Variants in FAN1 observed in about 807,000 individuals in gnomAD.
FAN1 encodes the protein FANCD2 and FANCI associated nuclease 1, also known as fanconi-associated nuclease 1.
Under a neutral mutation model 104.9 loss-of-function variants are expected in FAN1, and 91 were observed. That is an observed-to-expected ratio of 0.87 (90% CI 0.73 to 1.03). The LOEUF (loss-of-function observed/expected upper bound fraction) is 1.03, where lower values mean the gene tolerates loss of function less well. Among genes scored for constraint, FAN1 ranks in the 50% least tolerant of loss-of-function variants. FAN1 has a pLI of 0.00. For missense variants in FAN1, 1,263 were observed against 1,239.9 expected (o/e 1.02, Z -0.28); for synonymous variants, 478 against 457.6 (o/e 1.04, Z -0.57).
In FAN1 at chr15:30,918,223, G is replaced by A; in HGVS notation, c.1871G>A (p.Trp624Ter). 6.2e-7 allele frequency: 1 copy of A among 1,614,038 alleles called. No homozygotes were observed. ...TCTTCCGCAATGGCCAATGGGAACT[G>A]GGAAGAAGCTAAGGAGCTCGCTCAG... ...DISSAMANGN[W>*]EEAKELAQCA... Residue 624 changes from tryptophan to a stop codon, truncating the protein, a stop_gained, in exon 6 of 15, where the codon TGG (tryptophan) becomes TAG (stop). Transcript: ENST00000362065. LOFTEE classifies it high-confidence loss of function.
Position 30,942,938 on chromosome 15 carries a change from G to A in FAN1, c.*1376G>A, listed in dbSNP as rs771024863. The A allele has an allele frequency of 6.4e-7, 1 of 1,566,982 alleles. No homozygotes were observed. Among genetic ancestry groups the A allele is most frequent in the Admixed American group, 1.9e-5 (1 of 53,168 alleles). On this transcript the variant is annotated 3_prime_UTR_variant, in exon 15 of 15. Transcript: ENST00000362065. ...CGGAGCCATTCTGTATACAAGGTGT[G>A]CTCTTTCCAATGTAGAAGGGGTTAT...
At chr15:30,928,345 C>G in intron 10 of FAN1, 1 of 1,301,354 alleles carries the variant, frequency 7.7e-7, no homozygotes, top group Non-Finnish European at 9.7e-7. Flanking sequence ...AAGATTTTTG[C>G]CCTTAAGGCT....
chr15:30,916,128 T>TA (rs2062193802), intron 5 of FAN1, among the ~76,000 whole-genome samples: 2 of 152,232 alleles, frequency 1.3e-5, no homozygotes, highest in Non-Finnish European at 2.9e-5. Flanking sequence ...AAATCTCTAA[T>TA]AAGACTGTTT....
rs1415165071 is a variant in FAN1, at chr15:30,941,320, T to C, written c.*4-246T>C. The stretch of plus-strand genomic sequence containing the variant: ...TCTTAAAATAAGTGTGAAAGAAGCA[T>C]GATTCAACATGTTTTTAAATATTAG... On this transcript the variant is annotated intron_variant, in intron 14 of 14. Transcript: ENST00000362065. The C allele has an allele frequency of 9.2e-6, 14 of 1,528,852 alleles. 1 individual carries two copies. The highest frequency in any genetic ancestry group is 2.4e-5 in the South Asian group (2 of 82,720). The allele number at this position is 1,528,852 out of a possible 1,614,324, so 94.7% of individuals were successfully genotyped here.
At position 30,905,831 on chromosome 15, in the gene FAN1, G is replaced by A. The variant is rs1409093506; in HGVS notation, c.1168G>A (p.Glu390Lys). 6.2e-7 allele frequency: 1 copy of A among 1,614,038 alleles called. No homozygotes were observed. The highest frequency in any genetic ancestry group is 8.5e-7 in the Non-Finnish European group (1 of 1,179,996). Residue 390 changes from glutamate to lysine, a missense_variant, in exon 2 of 15, where the codon GAA becomes AAA. Transcript: ENST00000362065. ...LVVLKTVLEN[E>K]DDMLLFDEQE... is the part of the protein sequence containing the mutation. ...GGTGCTGAAAACCGTACTTGAGAAT[G>A]AAGATGATATGTTGCTCTTTGATGA...
At chr15:30,919,226 C>G (rs1318209976) in intron 6 of FAN1, among the ~76,000 whole-genome samples, 1 of 151,358 alleles carries the variant, frequency 6.6e-6, no homozygotes, top group South Asian at 2.1e-4. Flanking sequence ...ACTAAAAATA[C>G]AAAATTAGCC....
At chr15:30,917,450 A>C (rs2062219384) in intron 5 of FAN1, among the ~76,000 whole-genome samples, 1 of 152,150 alleles carries the variant, frequency 6.6e-6, no homozygotes, top group South Asian at 2.1e-4. Flanking sequence ...AGAATTTGTG[A>C]GCAAACTTTT....
rs1429407430 is a variant in FAN1, at chr15:30,911,443, A to G, written c.1577+628A>G. 5.1e-6 allele frequency: 5 copies of G among 982,660 alleles called. No homozygotes were observed. In the African/African-American group the frequency reaches 8.7e-5, roughly 17 times the overall value. 60.9% of individuals were successfully genotyped at this position (982,660 alleles called of 1,614,324 possible). A position where few individuals can be genotyped will look rare whatever the true frequency, so the allele number is the denominator to read the frequency against. On this transcript the variant is annotated intron_variant, in intron 4 of 14. Transcript: ENST00000362065. ...AACATGATGTTGTTATTTATTTTAT[A>G]TATTTGTTTTGTATATTTCAGTTGT...
At chr15:30,939,911 C>T (rs902527568) in intron 14 of FAN1, 2 of 985,206 alleles carry the variant, frequency 2.0e-6, no homozygotes, top group Admixed American at 1.2e-4. Context: ...CTTGGGTTTA[C>T]CCATAAAGTG....
intron 4 of FAN1, among the ~76,000 whole-genome samples, chr15:30,912,484 G>A (rs1331761777): frequency 6.6e-6 from 1 of 152,194 alleles, no homozygotes; most frequent in East Asian, 1.9e-4. Context: ...GGGACTCTGC[G>A]TGGAGGTGGA....
chr15:30,925,722 T>C, intron 9 of FAN1, 67 bp from the exon 10 acceptor site: 2 of 1,570,462 alleles, frequency 1.3e-6, no homozygotes, highest in Middle Eastern at 1.7e-4. Flanking sequence ...CTCACGATGC[T>C]ACAGGCAGGT....
At chr15:30,906,310 C>G in intron 2 of FAN1, 1 of 461,042 alleles carries the variant, frequency 2.2e-6, no homozygotes, top group South Asian at 1.6e-5. Context: ...GAATAAAATA[C>G]AATACAGGAA....
At chr15:30,929,517 CATAT>C in intron 12 of FAN1, 120 bp downstream of exon 12, 1 of 472,600 alleles carries the variant, frequency 2.1e-6, no homozygotes, top group Non-Finnish European at 3.6e-6. Context: ...TATGTGTGTG[CATAT>C]ATATGATATA....
intron 13 of FAN1, among the ~76,000 whole-genome samples, chr15:30,930,922 A>G (rs2062694407): frequency 6.6e-6 from 1 of 152,178 alleles, no homozygotes; most frequent in South Asian, 2.1e-4. Flanking sequence ...ATGATGTTCC[A>G]TCACTCCTGC....
At chr15:30,939,350 G>A (rs1037277579) in intron 14 of FAN1, 2 of 985,330 alleles carry the variant, frequency 2.0e-6, no homozygotes, top group Non-Finnish European at 2.4e-6. Flanking sequence ...GGCAGCAGGG[G>A]TGCTGAGCTC....
rs2062317484 is a variant in FAN1, at chr15:30,921,021, T to C, written c.2052+368T>C. Among the ~76,000 whole-genome samples, 4 of 152,172 alleles carry C rather than the reference T, an allele frequency of 2.6e-5. 1 individual carries two copies. The highest frequency in any genetic ancestry group is 9.7e-5 in the African/African-American group (4 of 41,436). On this transcript the variant is annotated intron_variant, in intron 7 of 14. Coordinates refer to ENST00000362065, the MANE Select transcript of FAN1 (RefSeq NM_014967.5). ...CTGATCTCGAACTCCTGGGCTCAAG[T>C]GATTTGCCCACCTTGGCCTCTGATG...
At position 30,929,231 on chromosome 15, in the gene FAN1, GCTT is replaced by G. The variant is rs1483330722; in HGVS notation, c.2626_2628del (p.Phe876del). ...TTCCCCCTGGACTTGTGCACAGACA[GCTT>G]CTTCACAAGCAGACGCCCAGCCCTT... On this transcript the variant is annotated inframe_deletion, in exon 12 of 15. Transcript: ENST00000362065. 1 of 1,613,342 alleles carries G rather than the reference GCTT, an allele frequency of 6.2e-7. No individual in the cohort carries two copies. Among genetic ancestry groups the G allele is most frequent in the Admixed American group, 1.7e-5 (1 of 59,916 alleles).
chr15:30,911,328 T>C (rs1433063871), intron 4 of FAN1: 4 of 985,050 alleles, frequency 4.1e-6, no homozygotes, highest in Non-Finnish European at 4.8e-6. Context: ...GCCCATGTTA[T>C]TTATATAATC....
intron 4 of FAN1, chr15:30,911,208 G>A (rs2062094102): frequency 1.0e-6 from 1 of 1,000,304 alleles, no homozygotes; most frequent in African/African-American, 1.7e-5. Flanking sequence ...GTTTTCCTGA[G>A]TTTAAACGTA....
Sources: gnomAD v4.1 joint callset for allele counts (sites outside exome capture counted in the v4.1 genomes callset) on GRCh38, gnomAD v4.1.1 for gene constraint, MANE v1.5 for transcripts, NCBI Gene and HGNC (gene_info 2026-07-23, HGNC 2026-07-21) for gene names.